ZNF365: variants seen among roughly 807,000 people sequenced by gnomAD.
ZNF365 encodes protein ZNF365.
In ZNF365, 22 loss-of-function variants were observed where a neutral mutation model predicts 35.0. That is an observed-to-expected ratio of 0.63 (90% CI 0.45 to 0.90). The LOEUF is 0.90. ZNF365 is among the 40% of genes least tolerant of loss of function. The pLI is 0.00. For missense variants in ZNF365, 448 were observed against 500.3 expected (o/e 0.90, Z 1.00); for synonymous variants, 188 against 196.2 (o/e 0.96, Z 0.35).
chr10:62,474,853 T>C (rs188221348), intron 4 of ZNF365, among the ~76,000 whole-genome samples: 3 of 152,334 alleles, frequency 2.0e-5, no homozygotes, highest in Admixed American at 2.0e-4. Flanking sequence ...GTTCACATGG[T>C]CTTGTCTCTG....
chr10:62,444,829 G>A (rs1840558804), intron 3 of ZNF365, among the ~76,000 whole-genome samples: 1 of 151,830 alleles, frequency 6.6e-6, no homozygotes, highest in South Asian at 2.1e-4. Flanking sequence ...CATAGTGCAG[G>A]TCAGTTACAT....
chr10:62,411,394 G>A (rs1839982823), intron 3 of ZNF365, among the ~76,000 whole-genome samples: 3 of 151,990 alleles, frequency 2.0e-5, no homozygotes. Flanking sequence ...TTTCTCCTAG[G>A]GTTTTTATAG....
At chr10:62,402,494 C>G (rs1339814720), downstream of ZNF365, 7 of 980,846 alleles carry the variant, frequency 7.1e-6, no homozygotes, top group East Asian at 4.5e-4. Flanking sequence ...TTTGGGGAGC[C>G]AAGTATGTTG....
chr10:62,440,172 T>TTTTATTTATTTATTTATTTA (rs148188582), intron 3 of ZNF365, among the ~76,000 whole-genome samples: 121 of 150,740 alleles, frequency 8.0e-4, no homozygotes, highest in African/African-American at 2.7e-3. Flanking sequence ...GAATGCATAG[T>TTTTATTTATTTATTTATTTA]TTTATTTATT....
At chr10:62,402,988 A>T (rs1431725001), downstream of ZNF365, among the ~76,000 whole-genome samples, 2 of 152,192 alleles carry the variant, frequency 1.3e-5, no homozygotes, top group Non-Finnish European at 2.9e-5. Context: ...CTTAGTCTGC[A>T]CTTACAGTTG....
In ZNF365 at chr10:62,399,597, G is replaced by A; in HGVS notation, c.1032G>A (p.Arg344=). ...DLKAHFHPKG[R]NHLKKAKDDR... Reference sequence around the variant, plus strand: ...AGGCCCATTTCCACCCAAAGGGAAGGAACCACCTGAAAAAGGCCAAGGATG... The same window carrying A: ...AGGCCCATTTCCACCCAAAGGGAAGAAACCACCTGAAAAAGGCCAAGGATG... Residue 344 remains arginine (R), a synonymous_variant, in exon 5 of 5, where the codon AGG becomes AGA. Coordinates refer to ENST00000395254, the MANE Select transcript of ZNF365 (RefSeq NM_014951.3). 2 of 1,614,122 alleles carry A rather than the reference G, an allele frequency of 1.2e-6. No homozygotes were observed. Among genetic ancestry groups the A allele is most frequent in the Non-Finnish European group, 1.7e-6 (2 of 1,180,028 alleles).
chr10:62,412,220 TCA>T (rs1839996287), intron 3 of ZNF365, among the ~76,000 whole-genome samples: 1 of 152,092 alleles, frequency 6.6e-6, no homozygotes, highest in Admixed American at 6.5e-5. Flanking sequence ...GAAAAGGCCT[TCA>T]ATAAAATTCA....
chr10:62,446,482 C>T (rs1429692003), intron 3 of ZNF365, among the ~76,000 whole-genome samples: 2 of 152,098 alleles, frequency 1.3e-5, no homozygotes, highest in Non-Finnish European at 2.9e-5. Context: ...TGTGGTGTAT[C>T]ACAAGTTCTG....
intron 2 of ZNF365, among the ~76,000 whole-genome samples, chr10:62,379,615 AGTGTCT>A (rs1211299222): frequency 2.0e-5 from 3 of 152,114 alleles, no homozygotes; most frequent in Non-Finnish European, 1.5e-5. Context: ...CAGCACCCTC[AGTGTCT>A]GCAGCGTCTG....
intron 2 of ZNF365, among the ~76,000 whole-genome samples, chr10:62,381,322 C>A (rs1156695185): frequency 6.6e-6 from 1 of 152,122 alleles, no homozygotes; most frequent in Non-Finnish European, 1.5e-5. Context: ...TGCTGGATAA[C>A]ACACTCATTT....
intron 3 of ZNF365, among the ~76,000 whole-genome samples, chr10:62,418,244 A>AT (rs1840111414): frequency 1.3e-5 from 2 of 152,180 alleles, no homozygotes; most frequent in East Asian, 3.9e-4. Flanking sequence ...AAGCACATAC[A>AT]TTTTGTCAAT....
At chr10:62,463,090 A>C (rs1840874773) in intron 4 of ZNF365, among the ~76,000 whole-genome samples, 1 of 152,228 alleles carries the variant, frequency 6.6e-6, no homozygotes, top group African/African-American at 2.4e-5. Context: ...TAAAAAACAA[A>C]CATCAAAGTG....
chr10:62,439,738 C>G (rs1840464884), intron 3 of ZNF365, among the ~76,000 whole-genome samples: 1 of 152,200 alleles, frequency 6.6e-6, no homozygotes, highest in Non-Finnish European at 1.5e-5. Context: ...TCTGAAATGA[C>G]CATCCTCCAG....
At chr10:62,379,196 G>A (rs1449807556) in intron 2 of ZNF365, among the ~76,000 whole-genome samples, 1 of 151,818 alleles carries the variant, frequency 6.6e-6, no homozygotes, top group Non-Finnish European at 1.5e-5. Context: ...CTATTTTTTT[G>A]TATTTTTAGT....
At chr10:62,389,990 T>C (rs995330253) in intron 3 of ZNF365, among the ~76,000 whole-genome samples, 2 of 152,172 alleles carry the variant, frequency 1.3e-5, no homozygotes, top group Non-Finnish European at 2.9e-5. Context: ...GTGTCCAGCC[T>C]TGACTAGCTG....
At chr10:62,391,736 A>G (rs1404707411) in intron 3 of ZNF365, among the ~76,000 whole-genome samples, 1 of 152,204 alleles carries the variant, frequency 6.6e-6, no homozygotes, top group Non-Finnish European at 1.5e-5. Flanking sequence ...TTTTCATGTA[A>G]TGACTTCTTT....
chr10:62,434,487 C>A (rs567077771), intron 3 of ZNF365, among the ~76,000 whole-genome samples: 2 of 152,244 alleles, frequency 1.3e-5, no homozygotes, highest in South Asian at 4.2e-4. Context: ...CTGAACAATT[C>A]ATTCATCCTA....
chr10:62,408,634 G>T (rs1839939432), intron 3 of ZNF365, among the ~76,000 whole-genome samples: 1 of 152,044 alleles, frequency 6.6e-6, no homozygotes, highest in East Asian at 1.9e-4. Flanking sequence ...TAAACACGGA[G>T]ACTTAGAAAA....
chr10:62,398,977 A>G (rs1202241898), intron 4 of ZNF365, among the ~76,000 whole-genome samples, 200 bp downstream of exon 4: 1 of 152,192 alleles, frequency 6.6e-6, no homozygotes, highest in Non-Finnish European at 1.5e-5. Flanking sequence ...CTACTAGTCT[A>G]TTAGTATATA....
Sources: allele counts gnomAD v4.1 joint callset (sites outside exome capture counted in the v4.1 genomes callset), GRCh38; gene constraint gnomAD v4.1.1; transcripts MANE v1.5; gene names NCBI Gene and HGNC (gene_info 2026-07-23, HGNC 2026-07-21).